Variants in SLC4A5 observed in about 807,000 individuals in gnomAD.
The protein encoded by SLC4A5 is solute carrier family 4 member 5.
In SLC4A5, 96 loss-of-function variants were observed where a neutral mutation model predicts 120.4. That is an observed-to-expected ratio of 0.80 (90% CI 0.68 to 0.94). The LOEUF (loss-of-function observed/expected upper bound fraction) is 0.94. SLC4A5 is among the 40% of genes least tolerant of loss of function. SLC4A5 has a pLI of 0.00. For missense variants in SLC4A5, 1,259 were observed against 1,459.5 expected (o/e 0.86, Z 2.24); for synonymous variants, 550 against 571.1 (o/e 0.96, Z 0.53).
intron 30 of SLC4A5, among the ~76,000 whole-genome samples, chr2:74,221,174 A>T (rs1036653167): frequency 6.6e-6 from 1 of 152,104 alleles, no homozygotes; most frequent in African/African-American, 2.4e-5. Context: ...TGTTCTACCT[A>T]ATCTTTTATA....
chr2:74,315,636 G>A (rs539499807), intron 5 of SLC4A5, among the ~76,000 whole-genome samples: 1 of 150,048 alleles, frequency 6.7e-6, no homozygotes, highest in Non-Finnish European at 1.5e-5. Flanking sequence ...AATATATTAT[G>A]CATATATATA....
At chr2:74,272,417 G>A (rs547139509) in intron 8 of SLC4A5, among the ~76,000 whole-genome samples, 7 of 152,344 alleles carry the variant, frequency 4.6e-5, no homozygotes, top group African/African-American at 1.7e-4. Context: ...GCAAAAGCCT[G>A]ATAATAAGGT....
rs1432764359 is a variant in SLC4A5, at chr2:74,232,590, A to G, written c.2653T>C (p.Ser885Pro). The G allele has an allele frequency of 2.5e-6, 4 of 1,613,706 alleles. No homozygotes were observed. The African/African-American group carries it at 5.3e-5, about 22-fold the overall frequency. The change falls in exon 24 of 31, where the codon TCC (serine) becomes CCC (proline). Residue 885 changes from serine to proline, a missense_variant. Coordinates refer to ENST00000394019, the Ensembl canonical transcript of SLC4A5. ...ACGTACCAGGGGAGCCCCATAAAGG[A>G]GCACAAAGCCATGAGGATGCCCACC...
At chr2:74,285,991 CA>C in intron 7 of SLC4A5, 89 bp from the exon 8 acceptor site, 1 of 1,410,438 alleles carries the variant, frequency 7.1e-7, no homozygotes, top group Admixed American at 2.8e-5. Context: ...GAGGCAAGCA[CA>C]AGGGAAAAGT....
intron 11 of SLC4A5, among the ~76,000 whole-genome samples, chr2:74,260,971 C>T (rs1404895664): frequency 6.6e-6 from 1 of 152,130 alleles, no homozygotes. Flanking sequence ...CTTCCATCCC[C>T]CAACCTCCTA....
At chr2:74,311,735 T>C (rs1037440428) in intron 6 of SLC4A5, among the ~76,000 whole-genome samples, 1 of 152,182 alleles carries the variant, frequency 6.6e-6, no homozygotes, top group African/African-American at 2.4e-5. Context: ...TGGTCTGTCT[T>C]GGTGGATATT....
At chr2:74,320,770 G>A (rs975016351) in intron 5 of SLC4A5, among the ~76,000 whole-genome samples, 3 of 152,162 alleles carry the variant, frequency 2.0e-5, no homozygotes, top group Admixed American at 6.5e-5. Context: ...GCAGTCCAGA[G>A]AGCAACAGGC....
chr2:74,227,181 T>G, intron 26 of SLC4A5, 51 bp from the exon 27 acceptor site: 1 of 1,538,404 alleles, frequency 6.5e-7, no homozygotes, highest in Non-Finnish European at 8.8e-7. Context: ...GAGGGCCCGC[T>G]GGGTCCTGGG....
At chr2:74,241,249 A>ATTATTAT (rs1670432522) in intron 20 of SLC4A5, among the ~76,000 whole-genome samples, 4 of 140,772 alleles carry the variant, frequency 2.8e-5, no homozygotes, top group African/African-American at 1.1e-4. Context: ...TGTGCGTGTC[A>ATTATTAT]TATTATTATT....
At position 74,271,609 on chromosome 2, in the gene SLC4A5, G is replaced by A. The variant is rs145182939; in HGVS notation, c.402-6345C>T. ...ATAACAAATGCCAAATATACATTAA[G>A]CTTTTTGAAGACAGGTGCCATTTCT... On this transcript the variant is annotated intron_variant, in intron 8 of 30. Transcript: ENST00000394019. Among the ~76,000 whole-genome samples the A allele has an allele frequency of 6.6e-4, 100 of 152,052 alleles. 1 individual carries two copies. The highest frequency in any genetic ancestry group is 1.1e-3 in the Non-Finnish European group (76 of 68,000).
intron 30 of SLC4A5, among the ~76,000 whole-genome samples, chr2:74,219,001 G>A (rs1478380314): frequency 6.6e-6 from 1 of 152,180 alleles, no homozygotes; most frequent in Non-Finnish European, 1.5e-5. Flanking sequence ...CTGCCAAGGT[G>A]AACTTTTGAA....
At chr2:74,312,761 C>T (rs1349263035) in intron 6 of SLC4A5, among the ~76,000 whole-genome samples, 1 of 152,002 alleles carries the variant, frequency 6.6e-6, no homozygotes, top group East Asian at 1.9e-4. Flanking sequence ...GGCGAAATCT[C>T]ATCTCTACTA....
At chr2:74,318,456 G>A (rs956280175) in intron 5 of SLC4A5, among the ~76,000 whole-genome samples, 5 of 152,060 alleles carry the variant, frequency 3.3e-5, no homozygotes, top group African/African-American at 9.7e-5. Context: ...AGGCAGAGGT[G>A]GGGGGGATGG....
chr2:74,294,552 CA>C (rs1421553704), intron 7 of SLC4A5, among the ~76,000 whole-genome samples: 3 of 152,024 alleles, frequency 2.0e-5, no homozygotes, highest in Non-Finnish European at 2.9e-5. Flanking sequence ...CCTTCCAAGC[CA>C]AGAGGGGTAT....
At chr2:74,253,231 C>T in intron 14 of SLC4A5, 103 bp from the exon 15 acceptor site, 1 of 1,344,502 alleles carries the variant, frequency 7.4e-7, no homozygotes, top group Non-Finnish European at 1.0e-6. Context: ...TGAACCACAT[C>T]TCCCACTGCC....
At chr2:74,284,307 G>C (rs1201356836) in intron 8 of SLC4A5, among the ~76,000 whole-genome samples, 1 of 117,098 alleles carries the variant, frequency 8.5e-6, no homozygotes, top group Admixed American at 8.1e-5. Context: ...CTCCCGAGTA[G>C]CTGGGACTAC....
At chr2:74,316,180 C>T (rs1034757247) in intron 5 of SLC4A5, among the ~76,000 whole-genome samples, 1 of 151,696 alleles carries the variant, frequency 6.6e-6, no homozygotes, top group Non-Finnish European at 1.5e-5. Context: ...TCTACAAAAA[C>T]AATAGAAGTA....
intron 11 of SLC4A5, 143 bp downstream of exon 11, chr2:74,261,993 TG>T: frequency 1.5e-6 from 1 of 645,662 alleles, no homozygotes; most frequent in South Asian, 2.4e-5. Context: ...GGGTTTAGAG[TG>T]AAAGTTAGGC....
intron 2 of SLC4A5, chr2:74,339,583 G>T (rs943241141): frequency 1.3e-5 from 2 of 152,226 alleles, no homozygotes; most frequent in Admixed American, 6.5e-5. Context: ...TCCTGGGAGG[G>T]GAACTTGGAG....
Sources: allele counts gnomAD v4.1 joint callset (sites outside exome capture counted in the v4.1 genomes callset), GRCh38; gene constraint gnomAD v4.1.1; transcripts MANE v1.5; gene names NCBI Gene and HGNC (gene_info 2026-07-23, HGNC 2026-07-21).